The following CTU1 variants were observed in gnomAD, a reference collection of about 807,000 sequenced individuals.
CTU1 encodes the protein cytoplasmic tRNA 2-thiolation protein 1.
In CTU1, 15 loss-of-function variants were observed where a neutral mutation model predicts 12.9. That is an observed-to-expected ratio of 1.16 (90% CI 0.78 to 1.79). The LOEUF is 1.79. CTU1 is among the 40% of genes most tolerant of loss of function. The pLI, the probability that CTU1 is intolerant of heterozygous loss-of-function variation, is 0.00. For synonymous variants in CTU1, 295 were observed against 275.6 expected (o/e 1.07, Z -0.70); for missense variants, 553 against 550.5 (o/e 1.00, Z -0.05).
At chr19:51,101,490 T>C (rs767209070) in intron 2 of CTU1, among the ~76,000 whole-genome samples, 14 of 152,132 alleles carry the variant, frequency 9.2e-5, no homozygotes, top group Non-Finnish European at 1.5e-4. Context: ...AAATAGCATC[T>C]AGTGGGTAGA....
intron 1 of CTU1, 64 bp from the exon 2 acceptor site, chr19:51,104,654 G>A: frequency 1.0e-5 from 12 of 1,152,788 alleles, no homozygotes; most frequent in Non-Finnish European, 1.3e-5. Flanking sequence ...CCCTGCCATC[G>A]GGGAGATTGT....
In CTU1 at chr19:51,100,932, TGC is replaced by T. The variant is rs200402650; in HGVS notation, c.509-1795_509-1794del. Among the ~76,000 whole-genome samples, 38 of 114,324 alleles carry T rather than the reference TGC, an allele frequency of 3.3e-4. No individual in the cohort carries two copies. In the East Asian group the frequency reaches 3.7e-3, roughly 11 times the overall value. The allele number at this position is 114,324 out of a possible 152,430, so 75.0% of individuals were successfully genotyped here. A position where few individuals can be genotyped will look rare whatever the true frequency, so the allele number is the denominator to read the frequency against. On this transcript the variant is annotated intron_variant, in intron 2 of 2. Coordinates refer to ENST00000421832, the MANE Select transcript of CTU1 (RefSeq NM_145232.4). ...TTTTTTTTTTCATTTTGTTTTATTG[TGC>T]GTGTGTGTGTGTGTGTGTGTGTGTG...
At position 51,098,539 on chromosome 19, in the gene CTU1, A is replaced by T. The variant is rs1219523300; in HGVS notation, c.*62T>A. Reference sequence around the variant, plus strand: ...CAGGTAAGGTAACGGGTTTATTCACAGTGTCATTTACAGGCAGCCCCCACC... The same window carrying T: ...CAGGTAAGGTAACGGGTTTATTCACTGTGTCATTTACAGGCAGCCCCCACC... On this transcript the variant is annotated 3_prime_UTR_variant, in exon 3 of 3. Transcript: ENST00000421832. The surrounding 1 kb of genome is among the most constrained non-coding windows in gnomAD (Gnocchi z 4.3). 1.7e-6 allele frequency: 2 copies of T among 1,209,336 alleles called. No individual in the cohort carries two copies. The highest frequency in any genetic ancestry group is 2.1e-6 in the Non-Finnish European group (2 of 966,820). 74.9% of individuals were successfully genotyped at this position (1,209,336 alleles called of 1,614,324 possible). A position where few individuals can be genotyped will look rare whatever the true frequency, so the allele number is the denominator to read the frequency against.
chr19:51,100,603 GA>G (rs1209891652), intron 2 of CTU1, among the ~76,000 whole-genome samples: 3 of 151,460 alleles, frequency 2.0e-5, no homozygotes, highest in Non-Finnish European at 4.4e-5. Flanking sequence ...TGTCTCAAAA[GA>G]AAAAAAAGAA....
In CTU1 at chr19:51,104,182, C is replaced by T. The variant is rs772761221; in HGVS notation, c.388G>A (p.Val130Met). ...DLFGGWTMDA[V>M]ARSTAGSGRS... is the part of the protein sequence containing the mutation. ...CCGGAGCCGGCTGTGCTGCGGGCCA[C>T]GGCGTCCATCGTCCAGCCCCCAAAG... The change falls in exon 2 of 3, where the codon GTG becomes ATG. Residue 130 changes from valine (V) to methionine (M), a missense_variant. Physicochemically the swap from Val to Met is conservative, Grantham distance 21 (BLOSUM62 1). This residue lies in a region of CTU1 where 500 missense variants were observed against 458.5 expected (regional missense o/e 1.09). Transcript: ENST00000421832. 34 of 1,521,828 alleles carry T rather than the reference C, an allele frequency of 2.2e-5. No individual in the cohort carries two copies. The African/African-American group carries it at 3.8e-4, about 17-fold the overall frequency. 94.3% of individuals were successfully genotyped at this position (1,521,828 alleles called of 1,614,324 possible). A position where few individuals can be genotyped will look rare whatever the true frequency, so the allele number is the denominator to read the frequency against.
intron 2 of CTU1, among the ~76,000 whole-genome samples, chr19:51,102,607 C>T (rs533997505): frequency 6.6e-6 from 1 of 152,352 alleles, no homozygotes; most frequent in South Asian, 2.1e-4. Flanking sequence ...GGCTTTGTCC[C>T]TGTCCCTCCA....
intron 2 of CTU1, among the ~76,000 whole-genome samples, chr19:51,101,901 A>C (rs2091907847): frequency 6.6e-6 from 1 of 152,170 alleles, no homozygotes; most frequent in Admixed American, 6.5e-5. Flanking sequence ...GGTAGAAATC[A>C]CCTTGCAAGT....
chr19:51,102,302 C>G (rs900158490), intron 2 of CTU1, among the ~76,000 whole-genome samples: 2 of 152,158 alleles, frequency 1.3e-5, no homozygotes, highest in African/African-American at 4.8e-5. Context: ...TGTGCCCGGC[C>G]GAAGCCTTTC....
chr19:51,107,281 C>T (rs943375456), intron 1 of CTU1, among the ~76,000 whole-genome samples: 13 of 152,120 alleles, frequency 8.5e-5, no homozygotes, highest in Non-Finnish European at 1.5e-4. Flanking sequence ...GTCAACATAG[C>T]GAGACCCCAT....
intron 1 of CTU1, among the ~76,000 whole-genome samples, chr19:51,107,816 G>A (rs2569432): frequency 0.34 from 51,197 of 151,910 alleles, 12,174 homozygotes; most frequent in African/African-American, 0.66. Context: ...AAGACTTTAT[G>A]GACCCTCGTC....
At position 51,099,037 on chromosome 19, in the gene CTU1, C is replaced by T; in HGVS notation, c.611G>A (p.Gly204Glu). Residue 204 changes from glycine (G) to glutamate (E), a missense_variant, in exon 3 of 3, where the codon GGG becomes GAG. Physicochemically the swap from Gly to Glu is moderately conservative, Grantham distance 98. Transcript: ENST00000421832. The part of the protein sequence containing the change: ...RGGGLGSPGE[G>E]GALPRCRPLQ... Reference sequence around the variant, plus strand: ...CGGGCGGCAGCGCGGCAGGGCGCCCCCCTCGCCGGGAGAGCCCAGGCCCCC... The same window carrying T: ...CGGGCGGCAGCGCGGCAGGGCGCCCTCCTCGCCGGGAGAGCCCAGGCCCCC... 1 of 1,511,860 alleles carries T rather than the reference C, an allele frequency of 6.6e-7. No homozygotes were observed. The highest frequency in any genetic ancestry group is 8.8e-7 in the Non-Finnish European group (1 of 1,134,106). 93.7% of individuals were successfully genotyped at this position (1,511,860 alleles called of 1,614,324 possible).
At chr19:51,104,791 G>C (rs552502787) in intron 1 of CTU1, among the ~76,000 whole-genome samples, 6 of 152,316 alleles carry the variant, frequency 3.9e-5, no homozygotes, top group Non-Finnish European at 7.4e-5. Context: ...CTTAGGGAAG[G>C]CTTCTTGGAT....
intron 1 of CTU1, 130 bp from the exon 2 acceptor site, chr19:51,104,720 GCTT>G (rs1599807963): frequency 3.1e-6 from 2 of 643,952 alleles, no homozygotes; most frequent in East Asian, 3.7e-5. Context: ...GAGTGGAGTA[GCTT>G]CTTCTAGCGC....
Position 51,102,252 on chromosome 19 carries a change from C to G in CTU1, c.508+1810G>C, listed in dbSNP as rs538850260. Among the ~76,000 whole-genome samples the G allele has an allele frequency of 2.6e-5, 4 of 152,346 alleles. No individual in the cohort carries two copies. In the South Asian group the frequency reaches 6.2e-4, roughly 24 times the overall value. On this transcript the variant is annotated intron_variant, in intron 2 of 2. Coordinates refer to ENST00000421832, the MANE Select transcript of CTU1 (RefSeq NM_145232.4). ...CGTTTGACCTTGTGATTCCGCCTGCCTCAGCCTCCCAAAGTGCTGGGATTA... is the reference window on the plus strand; with the variant it reads ...CGTTTGACCTTGTGATTCCGCCTGCGTCAGCCTCCCAAAGTGCTGGGATTA...
Position 51,099,255 on chromosome 19 carries a change from C to T in CTU1, c.509-116G>A. 15 of 901,612 alleles carry T rather than the reference C, an allele frequency of 1.7e-5. No individual in the cohort carries two copies. In the South Asian group the frequency reaches 1.7e-4, roughly 10 times the overall value. The allele number at this position is 901,612 out of a possible 1,614,324, so 55.9% of individuals were successfully genotyped here. ...CCAGAGAGAGACTGGGAGGAGAGAC[C>T]CACGGAGACCCAGGGCACAGTGGGG... On this transcript the variant is annotated intron_variant, in intron 2 of 2. Coordinates refer to ENST00000421832, the MANE Select transcript of CTU1 (RefSeq NM_145232.4).
intron 1 of CTU1, among the ~76,000 whole-genome samples, chr19:51,106,602 G>T (rs1173923814): frequency 1.3e-5 from 2 of 151,938 alleles, no homozygotes; most frequent in African/African-American, 4.8e-5. Flanking sequence ...GCCTCCCAGG[G>T]TCAAGCGTTT....
intron 2 of CTU1, among the ~76,000 whole-genome samples, chr19:51,100,369 G>A (rs138211443): frequency 2.1e-3 from 314 of 152,268 alleles, no homozygotes; most frequent in African/African-American, 7.1e-3. Context: ...CAGCACTTTG[G>A]GAGGCTAAGG....
At position 51,098,328 on chromosome 19, in the gene CTU1, T is replaced by C. The variant is rs1386073447; in HGVS notation, c.*273A>G. The C allele has an allele frequency of 1.6e-5, 4 of 248,328 alleles. No individual in the cohort carries two copies. The highest frequency in any genetic ancestry group is 5.6e-5 in the Admixed American group (1 of 17,820). 15.4% of individuals were successfully genotyped at this position (248,328 alleles called of 1,614,324 possible). On this transcript the variant is annotated 3_prime_UTR_variant, in exon 3 of 3. Coordinates refer to ENST00000421832, the MANE Select transcript of CTU1 (RefSeq NM_145232.4). This position sits in a 1 kb window ranked among gnomAD's most constrained non-coding sequence, Gnocchi z 4.3. ...TGCCTGGGGTCCCCAGTCCCACTTCTTCTAGGCTTAGTCCTGGCCCTCTCC... is the reference window on the plus strand; with the variant it reads ...TGCCTGGGGTCCCCAGTCCCACTTCCTCTAGGCTTAGTCCTGGCCCTCTCC...
Position 51,098,558 on chromosome 19 carries a change from C to A in CTU1, c.*43G>T. The A allele has an allele frequency of 8.1e-7, 1 of 1,239,704 alleles. No homozygotes were observed. Among genetic ancestry groups the A allele is most frequent in the South Asian group, 3.0e-5 (1 of 33,408 alleles). 76.8% of individuals were successfully genotyped at this position (1,239,704 alleles called of 1,614,324 possible). A position where few individuals can be genotyped will look rare whatever the true frequency, so the allele number is the denominator to read the frequency against. ...ATTCACAGTGTCATTTACAGGCAGC[C>A]CCCACCCCGCGGCATCAGATCCCGG... On this transcript the variant is annotated 3_prime_UTR_variant, in exon 3 of 3. Transcript: ENST00000421832. This position sits in a 1 kb window ranked among gnomAD's most constrained non-coding sequence, Gnocchi z 4.3.
Sources: allele counts gnomAD v4.1 joint callset (sites outside exome capture counted in the v4.1 genomes callset), GRCh38; gene constraint gnomAD v4.1.1; regional missense constraint gnomAD v4.1.1; non-coding constraint Gnocchi (gnomAD v3.1); transcripts MANE v1.5; gene names NCBI Gene and HGNC (gene_info 2026-07-23, HGNC 2026-07-21).